Variants in TMTC3 observed in about 807,000 individuals in gnomAD.
The protein encoded by TMTC3 is transmembrane O-mannosyltransferase targeting cadherins 3, also known as protein O-mannosyl-transferase TMTC3.
A neutral mutation model predicts 92.2 loss-of-function variants in TMTC3; 52 were observed. The ratio of observed to expected loss-of-function variants is 0.56; its 90% CI spans 0.45 to 0.71. The LOEUF (loss-of-function observed/expected upper bound fraction) is 0.71, where lower values mean the gene tolerates loss of function less well. Among genes scored for constraint, TMTC3 ranks in the 30% least tolerant of loss-of-function variants. The pLI is 0.00. For synonymous variants in TMTC3, 339 were observed against 363.3 expected, an observed-to-expected ratio of 0.93 and a Z score of 0.76; for missense variants, 896 against 1,057.1, an observed-to-expected ratio of 0.85 and a Z score of 2.11.
chr12:88,176,093 C>G lies in TMTC3; in HGVS notation c.1321-115C>G, dbSNP rs938023027. Reference sequence around the variant, plus strand: ...TCTTTATTTGACTCCTGTGTCATCCCCAGAGACATTTCCATAGAACATTAT... The same window carrying G: ...TCTTTATTTGACTCCTGTGTCATCCGCAGAGACATTTCCATAGAACATTAT... On this transcript the variant is annotated intron_variant, in intron 9 of 13. Coordinates refer to ENST00000266712, the MANE Select transcript of TMTC3 (RefSeq NM_181783.4). The G allele has an allele frequency of 6.3e-5, 44 of 699,248 alleles. No homozygotes were observed. The African/African-American group carries it at 7.8e-4, about 12-fold the overall frequency. 43.3% of individuals were successfully genotyped at this position (699,248 alleles called of 1,614,324 possible). A position where few individuals can be genotyped will look rare whatever the true frequency, so the allele number is the denominator to read the frequency against.
rs977005627 is a variant in TMTC3 at position 88,160,765 on chromosome 12, A to C, written c.711A>C (p.Val237=). ...SIPFSMLQTL[V]KLIVLMFSTL... is the part of the protein sequence containing the mutation. ...CATTTTCTATGCTGCAGACACTAGTAAAACTCATTGTCTTGATGTTCAGTA... is the reference window on the plus strand; with the variant it reads ...CATTTTCTATGCTGCAGACACTAGTCAAACTCATTGTCTTGATGTTCAGTA... The change falls in exon 6 of 14, where the codon GTA becomes GTC. Residue 237 remains valine, a synonymous_variant. Coordinates refer to ENST00000266712, the MANE Select transcript of TMTC3 (RefSeq NM_181783.4). The C allele has an allele frequency of 9.9e-6, 16 of 1,613,358 alleles. No homozygotes were observed. Among genetic ancestry groups the C allele is most frequent in the Non-Finnish European group, 1.4e-5 (16 of 1,179,572 alleles).
rs750731707 is a variant in TMTC3 at position 88,195,685 on chromosome 12, A to G, written c.*36A>G. On this transcript the variant is annotated 3_prime_UTR_variant, in exon 14 of 14. Coordinates refer to ENST00000266712, the MANE Select transcript of TMTC3 (RefSeq NM_181783.4). ...TATCGTGACAATGGTATCAAAGAAC[A>G]TCAATCCGTATCATGTGATTGCTTT... is the stretch of plus-strand genomic sequence containing the variant. 6.6e-7 allele frequency: 1 copy of G among 1,510,428 alleles called. No individual in the cohort carries two copies. The highest frequency in any genetic ancestry group is 2.3e-5 in the East Asian group (1 of 44,052). 93.6% of individuals were successfully genotyped at this position (1,510,428 alleles called of 1,614,324 possible). A position where few individuals can be genotyped will look rare whatever the true frequency, so the allele number is the denominator to read the frequency against.
In TMTC3 at chr12:88,190,562, A is replaced by G. The variant is rs747361782; in HGVS notation, c.1646A>G (p.Asp549Gly). ...RANESRLEEADQLYRQAISMR... is the reference protein window; with the variant it reads ...RANESRLEEAGQLYRQAISMR... The stretch of plus-strand genomic sequence containing the variant: ...AATGAGTCCCGACTGGAAGAAGCAG[A>G]TCAGCTGTACCGTCAAGCAATAAGC... The change falls in exon 12 of 14, where the codon GAT (aspartate) becomes GGT (glycine). Residue 549 changes from aspartate (D) to glycine (G), a missense_variant. By Grantham distance (94) the Asp-to-Gly change is moderately conservative. Transcript: ENST00000266712. The G allele has an allele frequency of 5.6e-6, 9 of 1,614,000 alleles. No homozygotes were observed. The highest frequency in any genetic ancestry group is 5.9e-6 in the Non-Finnish European group (7 of 1,179,932).
intron 10 of TMTC3, among the ~76,000 whole-genome samples, chr12:88,180,166 A>G (rs2041301182): frequency 6.7e-6 from 1 of 149,152 alleles, no homozygotes. Flanking sequence ...ACAGCAGTTA[A>G]CACTCGTATT....
chr12:88,164,806 A>T (rs2041125166), intron 6 of TMTC3, among the ~76,000 whole-genome samples: 1 of 152,198 alleles, frequency 6.6e-6, no homozygotes, highest in Non-Finnish European at 1.5e-5. Flanking sequence ...TATTCAGATA[A>T]TTTTTAAACC....
Position 88,154,291 on chromosome 12 carries a change from A to G in TMTC3, c.412A>G (p.Thr138Ala). 1.9e-6 allele frequency: 3 copies of G among 1,602,688 alleles called. No individual in the cohort carries two copies. Among genetic ancestry groups the G allele is most frequent in the Non-Finnish European group, 1.7e-6 (2 of 1,176,282 alleles). Residue 138 changes from threonine to alanine, a missense_variant, in exon 4 of 14, where the codon ACA (threonine) becomes GCA (alanine). Coordinates refer to ENST00000266712, the MANE Select transcript of TMTC3 (RefSeq NM_181783.4). ...AVHPIHTEAV[T>A]GVVGRAELLS... is the part of the protein sequence containing the mutation. ...CCCCTTCATTTTTCCTTTCTAGGTA[A>G]CAGGAGTTGTTGGAAGAGCAGAACT...
Position 88,196,929 on chromosome 12 carries a change from G to A in TMTC3, c.*1280G>A, listed in dbSNP as rs938094288. 2 of 151,634 alleles carry A rather than the reference G, an allele frequency of 1.3e-5. No homozygotes were observed. The highest frequency in any genetic ancestry group is 4.8e-5 in the African/African-American group (2 of 41,362). 9.4% of individuals were successfully genotyped at this position (151,634 alleles called of 1,614,324 possible). ...TTAAACCTGAAAAATAGGTTAAAAA[G>A]TAGTTACAAATTAAACTTACTAATT... On this transcript the variant is annotated 3_prime_UTR_variant, in exon 14 of 14. Coordinates refer to ENST00000266712, the MANE Select transcript of TMTC3 (RefSeq NM_181783.4).
Position 88,176,221 on chromosome 12 carries a change from A to G in TMTC3, c.1334A>G (p.Asn445Ser), listed in dbSNP as rs1215567349. The change falls in exon 10 of 14, where the codon AAT becomes AGT. Residue 445 changes from asparagine to serine, a missense_variant. By Grantham distance (46) the Asn-to-Ser change is conservative (BLOSUM62 1). Coordinates refer to ENST00000266712, the MANE Select transcript of TMTC3 (RefSeq NM_181783.4). ...FMSALKVNKN[N>S]AKLWNNVGHA... Reference sequence around the variant, plus strand: ...CTTGTATTTAAGGTAAATAAAAATAATGCCAAACTTTGGAATAATGTGGGT... The same window carrying G: ...CTTGTATTTAAGGTAAATAAAAATAGTGCCAAACTTTGGAATAATGTGGGT... 1 of 1,607,504 alleles carries G rather than the reference A, an allele frequency of 6.2e-7. No homozygotes were observed. Among genetic ancestry groups the G allele is most frequent in the African/African-American group, 1.3e-5 (1 of 74,494 alleles).
chr12:88,160,482 A>C (rs2041063379), intron 5 of TMTC3, among the ~76,000 whole-genome samples, 197 bp from the exon 6 acceptor site: 1 of 152,130 alleles, frequency 6.6e-6, no homozygotes, highest in South Asian at 2.1e-4. Flanking sequence ...AAAAGTATGC[A>C]ATAGTACTGT....
chr12:88,166,689 G>A (rs1187576053), intron 7 of TMTC3, 107 bp downstream of exon 7: 7 of 1,225,578 alleles, frequency 5.7e-6, no homozygotes, highest in Non-Finnish European at 7.8e-6. Flanking sequence ...TCCTTTCTTT[G>A]TTCAACGGCA....
At chr12:88,169,211 A>C (rs1406928484) in intron 7 of TMTC3, among the ~76,000 whole-genome samples, 1 of 152,208 alleles carries the variant, frequency 6.6e-6, no homozygotes, top group Non-Finnish European at 1.5e-5. Context: ...CTTGGTGCTC[A>C]TGCTTTTATG....
At chr12:88,144,512 A>G (rs1176987097) in intron 1 of TMTC3, among the ~76,000 whole-genome samples, 1 of 151,926 alleles carries the variant, frequency 6.6e-6, no homozygotes, top group Non-Finnish European at 1.5e-5. Flanking sequence ...TCTTGCTCAC[A>G]TTCATAAACT....
intron 2 of TMTC3, among the ~76,000 whole-genome samples, chr12:88,151,229 G>A (rs748157761): frequency 6.9e-4 from 105 of 152,200 alleles, no homozygotes; most frequent in African/African-American, 2.2e-3. Flanking sequence ...GGCTGAGAGC[G>A]AGGGGGCTGT....
chr12:88,169,235 G>T (rs544252060), intron 7 of TMTC3, among the ~76,000 whole-genome samples: 3 of 152,140 alleles, frequency 2.0e-5, no homozygotes, highest in African/African-American at 7.2e-5. Context: ...GTATTAATCT[G>T]TTCAGCTTTG....
intron 2 of TMTC3, 32 bp downstream of exon 2, chr12:88,148,536 G>GT: frequency 6.9e-7 from 1 of 1,447,836 alleles, no homozygotes; most frequent in East Asian, 2.3e-5. Flanking sequence ...ACTTGTACAT[G>GT]TCTCAGATTT....
intron 10 of TMTC3, among the ~76,000 whole-genome samples, chr12:88,185,614 C>T (rs1416972707): frequency 1.3e-5 from 2 of 152,038 alleles, no homozygotes; most frequent in African/African-American, 4.8e-5. Context: ...AGAAAAATGG[C>T]ATGGTCATAT....
At chr12:88,188,149 G>A (rs2041399897) in intron 10 of TMTC3, among the ~76,000 whole-genome samples, 1 of 152,072 alleles carries the variant, frequency 6.6e-6, no homozygotes, top group African/African-American at 2.4e-5. Flanking sequence ...TGCATCTTAA[G>A]TAATACTATT....
rs1219768483 is a variant in TMTC3, at chr12:88,153,383, C to T, written c.282C>T (p.Leu94=). The T allele has an allele frequency of 6.2e-7, 1 of 1,612,678 alleles. No individual in the cohort carries two copies. Among genetic ancestry groups the T allele is most frequent in the Admixed American group, 1.7e-5 (1 of 59,978 alleles). The part of the protein sequence containing the change: ...LSELKPMSYH[L]LNMIFHAVVS... The stretch of plus-strand genomic sequence containing the variant: ...AACTAAAACCAATGTCATATCATCT[C>T]CTGAATATGATTTTTCATGCTGTGG... Residue 94 remains leucine (L), a synonymous_variant, in exon 3 of 14, where the codon CTC becomes CTT. Transcript: ENST00000266712.
Position 88,177,019 on chromosome 12 carries a change from G to C in TMTC3, c.1432+700G>C, listed in dbSNP as rs909912345. ...CAAGAAAGGATGGTAAGATAAGAGG[G>C]TTTTGGCTTTTTTAAACCAGTTTGG... On this transcript the variant is annotated intron_variant, in intron 10 of 13. Coordinates refer to ENST00000266712, the MANE Select transcript of TMTC3 (RefSeq NM_181783.4). Among the ~76,000 whole-genome samples the C allele has an allele frequency of 2.6e-4, 40 of 152,066 alleles. No individual in the cohort carries two copies. The Middle Eastern group carries it at 0.01, about 39-fold the overall frequency.
Sources: allele counts gnomAD v4.1 joint callset (sites outside exome capture counted in the v4.1 genomes callset), GRCh38; gene constraint gnomAD v4.1.1; transcripts MANE v1.5; gene names NCBI Gene and HGNC (gene_info 2026-07-23, HGNC 2026-07-21).